NECTIN2: variants seen among roughly 807,000 people sequenced by gnomAD.
The protein encoded by NECTIN2 is nectin-2.
NECTIN2 carries 23 observed loss-of-function variants against 56.9 expected under a neutral mutation model. That is an observed-to-expected ratio of 0.40 (90% CI 0.29 to 0.57). The LOEUF is 0.57. Among genes scored for constraint, NECTIN2 ranks in the 20% least tolerant of loss-of-function variants. The pLI is 0.38. For synonymous variants in NECTIN2, 302 were observed against 313.8 expected (o/e 0.96, Z 0.40); for missense variants, 587 against 718.3 (o/e 0.82, Z 2.09).
At chr19:44,855,536 A>T (rs1968956246) in intron 1 of NECTIN2, among the ~76,000 whole-genome samples, 1 of 152,066 alleles carries the variant, frequency 6.6e-6, no homozygotes, top group Non-Finnish European at 1.5e-5. Context: ...CTCCTCCAGG[A>T]AGCTCTTCTT....
chr19:44,867,684 C>T (rs41290100), intron 2 of NECTIN2, among the ~76,000 whole-genome samples: 3,016 of 152,062 alleles, frequency 0.02, 39 homozygotes, highest in Non-Finnish European at 0.032. Context: ...GAGCTGGGCG[C>T]GTTCCAGGAA....
intron 3 of NECTIN2, 46 bp downstream of exon 3, chr19:44,872,195 C>G: frequency 6.3e-7 from 1 of 1,586,512 alleles, no homozygotes; most frequent in Middle Eastern, 1.7e-4. Context: ...ACTGCCTACA[C>G]TGGCTTCTCT....
intron 1 of NECTIN2, among the ~76,000 whole-genome samples, chr19:44,847,789 G>A (rs1052434881): frequency 6.6e-6 from 1 of 152,132 alleles, no homozygotes; most frequent in African/African-American, 2.4e-5. Flanking sequence ...CTATCCTCTG[G>A]TAGCGCCTTT....
rs932699504 is a variant in NECTIN2 at position 44,865,939 on chromosome 19, G to A, written c.478+279G>A. On this transcript the variant is annotated intron_variant, in intron 2 of 8. Transcript: ENST00000252483. The surrounding 1 kb of genome is among the most constrained non-coding windows in gnomAD (Gnocchi z 5.2). ...TGTAATCCTAGCACTTTGGAAGGCC[G>A]AGATGGGCAGATCGCCTGAGGTCAG... Among the ~76,000 whole-genome samples, 8 of 152,292 alleles carry A rather than the reference G, an allele frequency of 5.3e-5. No individual in the cohort carries two copies. Among genetic ancestry groups the A allele is most frequent in the East Asian group, 1.9e-4 (1 of 5,176 alleles).
chr19:44,867,888 A>G (rs904231846), intron 2 of NECTIN2, among the ~76,000 whole-genome samples: 11 of 152,064 alleles, frequency 7.2e-5, no homozygotes, highest in African/African-American at 2.7e-4. Context: ...CAGCAGTATG[A>G]GGAGTGATTG....
chr19:44,853,475 G>A (rs1351461718), intron 1 of NECTIN2, among the ~76,000 whole-genome samples: 3 of 145,894 alleles, frequency 2.1e-5, no homozygotes, highest in Non-Finnish European at 3.0e-5. Context: ...GTTTACAGGC[G>A]TGAGCCACCA....
chr19:44,846,317 C>A lies in NECTIN2; in HGVS notation c.-209C>A. ...ATCCTGTGACGTCAGCGGGTTCGAA[C>A]CGCCGGAGCTGAGCGAGAGGCCGGG... On this transcript the variant is annotated 5_prime_UTR_variant, in exon 1 of 9. Coordinates refer to ENST00000252483, the MANE Select transcript of NECTIN2 (RefSeq NM_001042724.2). The A allele has an allele frequency of 1.9e-6, 1 of 523,736 alleles. No individual in the cohort carries two copies. The highest frequency in any genetic ancestry group is 2.0e-5 in the African/African-American group (1 of 49,582). 32.4% of individuals were successfully genotyped at this position (523,736 alleles called of 1,614,324 possible). A position where few individuals can be genotyped will look rare whatever the true frequency, so the allele number is the denominator to read the frequency against.
chr19:44,872,869 CAT>C (rs1267131631), intron 3 of NECTIN2, among the ~76,000 whole-genome samples: 3 of 142,160 alleles, frequency 2.1e-5, no homozygotes, highest in African/African-American at 8.2e-5. Flanking sequence ...TATATATTAA[CAT>C]ATATTTTGTC....
chr19:44,887,250 G>A (rs955025544), intron 8 of NECTIN2, among the ~76,000 whole-genome samples: 4 of 152,090 alleles, frequency 2.6e-5, no homozygotes, highest in African/African-American at 9.7e-5. Context: ...TCAGGAGGCT[G>A]AAGCAGGAGA....
Position 44,882,235 on chromosome 19 carries a change from G to T in NECTIN2, c.1067G>T (p.Gly356Val). 1 of 1,523,568 alleles carries T rather than the reference G, an allele frequency of 6.6e-7. No individual in the cohort carries two copies. The allele number at this position is 1,523,568 out of a possible 1,614,324, so 94.4% of individuals were successfully genotyped here. A position where few individuals can be genotyped will look rare whatever the true frequency, so the allele number is the denominator to read the frequency against. ...GAGACCCCCAACACAGCAGGCGCAG[G>T]GGCCACAGGCGGCATCATCGGGGGC... Reference protein sequence around the residue: ...VRETPNTAGAGATGGIIGGII... With the variant: ...VRETPNTAGAVATGGIIGGII... Residue 356 changes from glycine (G) to valine (V), a missense_variant, in exon 6 of 9, where the codon GGG (glycine) becomes GTG (valine). Physicochemically the swap from Gly to Val is moderately radical, Grantham distance 109. Coordinates refer to ENST00000252483, the MANE Select transcript of NECTIN2 (RefSeq NM_001042724.2).
intron 5 of NECTIN2, among the ~76,000 whole-genome samples, chr19:44,881,828 G>C (rs541202871): frequency 1.3e-5 from 2 of 152,240 alleles, no homozygotes; most frequent in South Asian, 4.1e-4. Context: ...TAAGGTAGAG[G>C]CCCTCCCACT....
chr19:44,864,987 A>G (rs894518966), intron 1 of NECTIN2, among the ~76,000 whole-genome samples: 1 of 152,234 alleles, frequency 6.6e-6, no homozygotes, highest in Admixed American at 6.5e-5. Context: ...GTGTGTGCAC[A>G]GCCACAATTT....
At chr19:44,867,580 C>T (rs1019928637) in intron 2 of NECTIN2, among the ~76,000 whole-genome samples, 3 of 152,118 alleles carry the variant, frequency 2.0e-5, no homozygotes, top group Admixed American at 6.6e-5. Context: ...GCAGGGAAGG[C>T]GTCTTAGTCA....
intron 5 of NECTIN2, chr19:44,878,444 T>C: frequency 6.3e-7 from 1 of 1,599,132 alleles, no homozygotes. Flanking sequence ...GGACCCCGTC[T>C]TCTGGACACC....
chr19:44,847,369 G>A (rs779642989), intron 1 of NECTIN2, among the ~76,000 whole-genome samples: 2 of 152,138 alleles, frequency 1.3e-5, no homozygotes, highest in African/African-American at 2.4e-5. Flanking sequence ...GATCAAACTT[G>A]TAGCTTCTGG....
intron 1 of NECTIN2, among the ~76,000 whole-genome samples, chr19:44,855,645 T>C (rs1968957278): frequency 6.6e-6 from 1 of 152,148 alleles, no homozygotes; most frequent in African/African-American, 2.4e-5. Context: ...GTGATAATTA[T>C]TTGTGCAATA....
At chr19:44,855,971 C>T (rs778818445) in intron 1 of NECTIN2, among the ~76,000 whole-genome samples, 1 of 152,166 alleles carries the variant, frequency 6.6e-6, no homozygotes, top group Non-Finnish European at 1.5e-5. Context: ...CTGATCCCTC[C>T]CTCTCTCCCT....
At chr19:44,856,551 G>A (rs1314592823) in intron 1 of NECTIN2, among the ~76,000 whole-genome samples, 2 of 152,148 alleles carry the variant, frequency 1.3e-5, no homozygotes, top group Non-Finnish European at 2.9e-5. Context: ...TGCTGTCTCT[G>A]CAGTTCACAC....
intron 1 of NECTIN2, among the ~76,000 whole-genome samples, chr19:44,858,763 C>T (rs1968999374): frequency 2.0e-5 from 3 of 152,180 alleles, no homozygotes; most frequent in South Asian, 4.2e-4. Context: ...CCACCTTAGC[C>T]TCCTGAGTAG....
Sources: gnomAD v4.1 joint callset for allele counts (sites outside exome capture counted in the v4.1 genomes callset) on GRCh38, gnomAD v4.1.1 for gene constraint, Gnocchi (gnomAD v3.1) non-coding constraint, MANE v1.5 for transcripts, NCBI Gene and HGNC (gene_info 2026-07-23, HGNC 2026-07-21) for gene names.